SUN2: variants seen among roughly 807,000 people sequenced by gnomAD.
The protein encoded by SUN2 is Sad1 and UNC84 domain containing 2.
Under a neutral mutation model 100.0 loss-of-function variants are expected in SUN2, and 60 were observed. The ratio of observed to expected loss-of-function variants is 0.60; its 90% CI spans 0.49 to 0.74. SUN2 has a LOEUF of 0.74. Ranked by LOEUF, SUN2 falls within the 30% of genes least tolerant of loss-of-function variation. The probability of loss-of-function intolerance (pLI) is 0.00; values close to 1 mark genes in which losing one functional copy is unlikely to be tolerated. For synonymous variants in SUN2, 367 were observed against 403.3 expected, an observed-to-expected ratio of 0.91 and a Z score of 1.08; for missense variants, 834 against 954.6, an observed-to-expected ratio of 0.87 and a Z score of 1.66.
rs2092829298 is a variant in SUN2 at position 38,738,796 on chromosome 22, C to T, written c.1780-42G>A. The stretch of plus-strand genomic sequence containing the variant: ...TCATGTCAGGACAGGGCCCTGAGTC[C>T]AGCTCTTGCTGACCCCAGATGGGAC... On this transcript the variant is annotated intron_variant, in intron 15 of 17. Transcript: ENST00000689035. The surrounding 1 kb of genome is among the most constrained non-coding windows in gnomAD (Gnocchi z 6.6). The T allele has an allele frequency of 6.2e-7, 1 of 1,604,512 alleles. No individual in the cohort carries two copies. Among genetic ancestry groups the T allele is most frequent in the Non-Finnish European group, 8.5e-7 (1 of 1,173,756 alleles).
intron 2 of SUN2, among the ~76,000 whole-genome samples, chr22:38,751,595 C>A (rs1426295884): frequency 5.3e-5 from 8 of 152,254 alleles, no homozygotes; most frequent in Admixed American, 5.2e-4. Flanking sequence ...GCAGCGGCAG[C>A]TAGGGATGGA....
intron 1 of SUN2, chr22:38,754,935 G>T (rs1486778390): frequency 6.2e-6 from 8 of 1,289,116 alleles, no homozygotes; most frequent in Admixed American, 2.3e-5. Context: ...AAAGGTCGAG[G>T]CCCCATTCTC....
Position 38,755,745 on chromosome 22 carries a change from G to A in SUN2, c.-38+18C>T. 2.0e-6 allele frequency: 2 copies of A among 985,072 alleles called. No individual in the cohort carries two copies. The highest frequency in any genetic ancestry group is 2.4e-6 in the Non-Finnish European group (2 of 829,788). 61.0% of individuals were successfully genotyped at this position (985,072 alleles called of 1,614,324 possible). A position where few individuals can be genotyped will look rare whatever the true frequency, so the allele number is the denominator to read the frequency against. ...GGCCGCGGCCCCCCAACCCTCTCCT[G>A]AGCTCGCCCGCACTCACCTGCTGCC... On this transcript the variant is annotated intron_variant, in intron 1 of 17. Transcript: ENST00000689035. The surrounding 1 kb of genome is among the most constrained non-coding windows in gnomAD (Gnocchi z 5.7).
In SUN2 at chr22:38,740,274, C is replaced by T. The variant is rs1371797768; in HGVS notation, c.1349G>A (p.Arg450Gln). Residue 450 changes from arginine to glutamine, a missense_variant, in exon 12 of 18, where the codon CGG becomes CAG. This residue lies in a region of SUN2 where 559 missense variants were observed against 597.7 expected (regional missense o/e 0.94). Coordinates refer to ENST00000689035, the MANE Select transcript of SUN2 (RefSeq NM_015374.3). This position sits in a 1 kb window ranked among gnomAD's most constrained non-coding sequence, Gnocchi z 4.8. ...GLLPQQIQAV[R>Q]DDVESQFPAW... Reference sequence around the variant, plus strand: ...CTGGTGGTTCCCACTCACGTCGTCCCGCACGGCCTGGATCTGCTGGGGCAG... The same window carrying T: ...CTGGTGGTTCCCACTCACGTCGTCCTGCACGGCCTGGATCTGCTGGGGCAG... 1.8e-5 allele frequency: 28 copies of T among 1,589,972 alleles called. No homozygotes were observed. Among genetic ancestry groups the T allele is most frequent in the Middle Eastern group, 2.1e-4 (1 of 4,706 alleles).
chr22:38,748,911 T>C (rs1159466409), intron 6 of SUN2, 128 bp from the exon 7 acceptor site: 1 of 937,976 alleles, frequency 1.1e-6, no homozygotes, highest in Non-Finnish European at 1.7e-6. Flanking sequence ...GGAGGATAGC[T>C]TGAGCTTCTC....
Position 38,739,725 on chromosome 22 carries a change from C to T in SUN2, c.1575G>A (p.Glu525=). ...GAGAGGGGCATGTGGGCCTCACCTC[C>T]TCTGTCACTCCAATCACACCTTCTT... The part of the protein sequence containing the change: ...LQKEGVIGVT[E]EQVHHIVKQA... Residue 525 remains glutamate, a synonymous_variant, in exon 13 of 18, where the codon GAG becomes GAA. Coordinates refer to ENST00000689035, the MANE Select transcript of SUN2 (RefSeq NM_015374.3). The surrounding 1 kb of genome is among the most constrained non-coding windows in gnomAD (Gnocchi z 6.7). 1.2e-6 allele frequency: 2 copies of T among 1,613,404 alleles called. No homozygotes were observed. The highest frequency in any genetic ancestry group is 1.7e-5 in the Admixed American group (1 of 60,012).
intron 1 of SUN2, among the ~76,000 whole-genome samples, chr22:38,753,668 A>C (rs1275574031): frequency 6.6e-6 from 1 of 152,152 alleles, no homozygotes; most frequent in Non-Finnish European, 1.5e-5. Context: ...ATAAAATGGT[A>C]AGTGTCTGCT....
chr22:38,751,078 C>T, intron 3 of SUN2, 43 bp from the exon 4 acceptor site: 1 of 1,609,346 alleles, frequency 6.2e-7, no homozygotes, highest in Non-Finnish European at 8.5e-7. Context: ...CCTCCAAGAG[C>T]TTCTGAAAAG....
In SUN2 at chr22:38,750,118, A is replaced by G. The variant is rs150494794; in HGVS notation, c.520+107T>C. 1,428 of 1,487,090 alleles carry G rather than the reference A, an allele frequency of 9.6e-4. 33 individuals carry two copies. In the Admixed American group the frequency reaches 0.027, roughly 28 times the overall value. The allele number at this position is 1,487,090 out of a possible 1,614,324, so 92.1% of individuals were successfully genotyped here. ...ATTATTCTAGAATGACCTTTCCCCA[A>G]TGGTCCTACAGTCTCTCTGCATGGG... On this transcript the variant is annotated intron_variant, in intron 5 of 17. Coordinates refer to ENST00000689035, the MANE Select transcript of SUN2 (RefSeq NM_015374.3).
Position 38,739,034 on chromosome 22 carries a change from G to A in SUN2, c.1664-46C>T, listed in dbSNP as rs760090150. On this transcript the variant is annotated intron_variant, in intron 14 of 17. Transcript: ENST00000689035. This position sits in a 1 kb window ranked among gnomAD's most constrained non-coding sequence, Gnocchi z 6.7. ...AGGGTGGGCTCCCGCACGGGAGGAG[G>A]GCCCCGCTCAGGCCATTGGCTGTCT... The A allele has an allele frequency of 1.3e-6, 2 of 1,555,426 alleles. No individual in the cohort carries two copies. The highest frequency in any genetic ancestry group is 2.4e-5 in the East Asian group (1 of 42,012).
At chr22:38,746,116 C>G (rs2092901698) in intron 7 of SUN2, among the ~76,000 whole-genome samples, 2 of 152,228 alleles carry the variant, frequency 1.3e-5, no homozygotes, top group South Asian at 2.1e-4. Flanking sequence ...CCCAGAGGAC[C>G]TGATGGTGGT....
chr22:38,741,545 C>G lies in SUN2; in HGVS notation c.1095G>C (p.Glu365Asp), dbSNP rs1327720662. Residue 365 changes from glutamate (E) to aspartate (D), a missense_variant, in exon 10 of 18, where the codon GAG becomes GAC. Coordinates refer to ENST00000689035, the MANE Select transcript of SUN2 (RefSeq NM_015374.3). ...IQEELSALRA[E>D]HQQDSEDLFK... ...AGAGGTCTTCTGAGTCTTGCTGATG[C>G]TCTGCTCTCAGGGCAGACAGTTCTT... is the stretch of plus-strand genomic sequence containing the variant. The G allele has an allele frequency of 6.2e-7, 1 of 1,614,112 alleles. No individual in the cohort carries two copies.
At position 38,745,729 on chromosome 22, in the gene SUN2, C is replaced by T. The variant is rs746679791; in HGVS notation, c.768G>A (p.Arg256=). The T allele has an allele frequency of 5.0e-6, 8 of 1,614,048 alleles. No individual in the cohort carries two copies. Among genetic ancestry groups the T allele is most frequent in the South Asian group, 2.2e-5 (2 of 91,086 alleles). The change falls in exon 8 of 18, where the codon AGG becomes AGA. Residue 256 remains arginine, a synonymous_variant. Transcript: ENST00000689035. ...CTCTGGCTTCCCAGCCCTCATCCGGCCTCCTGCTGTCCTTCGCTGCCCACC... is the reference window on the plus strand; with the variant it reads ...CTCTGGCTTCCCAGCCCTCATCCGGTCTCCTGCTGTCCTTCGCTGCCCACC... ...VSWWAAKDSR[R]PDEGWEARDS...
At position 38,751,255 on chromosome 22, in the gene SUN2, G is replaced by A; in HGVS notation, c.241C>T (p.Pro81Ser). The change falls in exon 3 of 18, where the codon CCA (proline) becomes TCA (serine). Residue 81 changes from proline to serine, a missense_variant. This residue lies in a region of SUN2 where 559 missense variants were observed against 597.7 expected (regional missense o/e 0.94). Coordinates refer to ENST00000689035, the MANE Select transcript of SUN2 (RefSeq NM_015374.3). ...SESLVHESWF[P>S]PRSSLEELHG... The stretch of plus-strand genomic sequence containing the variant: ...AGTTCCTCCAGGGAGCTCCTGGGTG[G>A]GAACCAGGACTCGTGGACCAGCGAC... 6.2e-7 allele frequency: 1 copy of A among 1,613,982 alleles called. No homozygotes were observed.
chr22:38,752,557 C>T lies in SUN2; in HGVS notation c.72G>A (p.Gly24=), dbSNP rs1371564030. 4 of 1,613,972 alleles carry T rather than the reference C, an allele frequency of 2.5e-6. No individual in the cohort carries two copies. The highest frequency in any genetic ancestry group is 3.4e-6 in the Non-Finnish European group (4 of 1,179,934). The change falls in exon 2 of 18, where the codon GGG becomes GGA. Residue 24 remains glycine (G), a synonymous_variant. Coordinates refer to ENST00000689035, the MANE Select transcript of SUN2 (RefSeq NM_015374.3). The part of the protein sequence containing the change: ...GDDDGSSSSG[G]SSVAGSQSTL... ...TGCTCTGACTCCCAGCCACCGAGCT[C>T]CCTCCGCTGCTGCTGCTGCCGTCAT...
chr22:38,750,843 C>T (rs1410725583), intron 4 of SUN2, 55 bp downstream of exon 4: 3 of 1,604,252 alleles, frequency 1.9e-6, no homozygotes, highest in Non-Finnish European at 1.7e-6. Flanking sequence ...GCCCAGCCTT[C>T]CTGAGGCCTC....
At position 38,751,200 on chromosome 22, in the gene SUN2, C is replaced by T; in HGVS notation, c.286+10G>A. ...AAGCAAAGCCCCGGGACGGAGGGCT[C>T]CACACTCACCCCAGTTGGCGTCACC... On this transcript the variant is annotated intron_variant, in intron 3 of 17. Coordinates refer to ENST00000689035, the MANE Select transcript of SUN2 (RefSeq NM_015374.3). 2.5e-6 allele frequency: 4 copies of T among 1,610,376 alleles called. No individual in the cohort carries two copies. The highest frequency in any genetic ancestry group is 3.4e-6 in the Non-Finnish European group (4 of 1,176,994).
In SUN2 at chr22:38,749,766, C is replaced by T. The variant is rs1484052837; in HGVS notation, c.614G>A (p.Arg205Lys). ...ASLLDVFVLTRRFSSLKTFLW... is the reference protein window; with the variant it reads ...ASLLDVFVLTKRFSSLKTFLW... Reference sequence around the variant, plus strand: ...TTGGCAAGGGTGGAGTCTCGCTCACCTGGTTAAAACGAAGACGTCAAGGAG... The same window carrying T: ...TTGGCAAGGGTGGAGTCTCGCTCACTTGGTTAAAACGAAGACGTCAAGGAG... Residue 205 changes from arginine to lysine, a missense_variant and splice_region_variant, in exon 6 of 18, where the codon AGG becomes AAG. This residue lies in a region of SUN2 where 559 missense variants were observed against 597.7 expected (regional missense o/e 0.94). Transcript: ENST00000689035. 1 of 1,614,086 alleles carries T rather than the reference C, an allele frequency of 6.2e-7. No individual in the cohort carries two copies. Among genetic ancestry groups the T allele is most frequent in the Non-Finnish European group, 8.5e-7 (1 of 1,179,982 alleles).
At position 38,748,739 on chromosome 22, in the gene SUN2, A is replaced by G. The variant is rs749163545; in HGVS notation, c.659T>C (p.Leu220Pro). The G allele has an allele frequency of 2.5e-6, 4 of 1,614,224 alleles. No homozygotes were observed. In the South Asian group the frequency reaches 4.4e-5, roughly 18 times the overall value. Residue 220 changes from leucine (L) to proline (P), a missense_variant, in exon 7 of 18, where the codon CTG (leucine) becomes CCG (proline). Leu to Pro is a moderately conservative substitution (Grantham distance 98). This residue lies in a region of SUN2 where 559 missense variants were observed against 597.7 expected (regional missense o/e 0.94). Coordinates refer to ENST00000689035, the MANE Select transcript of SUN2 (RefSeq NM_015374.3). ...ATACGTCAGGCACGTCAGCAAGAGC[A>G]GCGGCAGCAGGAACCAGAGGAACGT... The part of the protein sequence containing the change: ...LKTFLWFLLP[L>P]LLLTCLTYGA...
Sources: allele counts gnomAD v4.1 joint callset (sites outside exome capture counted in the v4.1 genomes callset), GRCh38; gene constraint gnomAD v4.1.1; regional missense constraint gnomAD v4.1.1; non-coding constraint Gnocchi (gnomAD v3.1); transcripts MANE v1.5; gene names NCBI Gene and HGNC (gene_info 2026-07-23, HGNC 2026-07-21).